Variants in FBXL7 observed in about 807,000 individuals in gnomAD.
FBXL7 encodes the protein F-box and leucine rich repeat protein 7.
Under a neutral mutation model 38.3 loss-of-function variants are expected in FBXL7, and 12 were observed. That is an observed-to-expected ratio of 0.31 (90% CI 0.20 to 0.51). The LOEUF (loss-of-function observed/expected upper bound fraction) is 0.51. Ranked by LOEUF, FBXL7 falls within the 20% of genes least tolerant of loss-of-function variation. The probability of loss-of-function intolerance (pLI) is 0.98; values close to 1 mark genes in which losing one functional copy is unlikely to be tolerated. For synonymous variants in FBXL7, 297 were observed against 300.9 expected (o/e 0.99, Z 0.13); for missense variants, 567 against 676.4 (o/e 0.84, Z 1.79).
At chr5:15,676,304 T>C (rs946673177) in intron 2 of FBXL7, among the ~76,000 whole-genome samples, 1 of 152,216 alleles carries the variant, frequency 6.6e-6, no homozygotes, top group African/African-American at 2.4e-5. Flanking sequence ...GGAAGACTGA[T>C]AAATTTTTCT....
chr5:15,650,702 C>T (rs4702092), intron 2 of FBXL7, among the ~76,000 whole-genome samples: 3,866 of 152,314 alleles, frequency 0.025, 85 homozygotes, highest in East Asian at 0.053. Flanking sequence ...ATTTCAACAA[C>T]GTCCACAGAC....
intron 2 of FBXL7, among the ~76,000 whole-genome samples, chr5:15,752,895 A>G (rs111366337): frequency 0.026 from 4,001 of 152,216 alleles, 100 homozygotes; most frequent in East Asian, 0.067. Context: ...TACTTTCACT[A>G]TCATTGTTCG....
intron 2 of FBXL7, among the ~76,000 whole-genome samples, chr5:15,663,845 T>C (rs1742173619): frequency 6.6e-6 from 1 of 152,230 alleles, no homozygotes; most frequent in Admixed American, 6.5e-5. Context: ...ATTTTAAGTA[T>C]ACCATACAAT....
At chr5:15,846,519 A>G (rs920034497) in intron 2 of FBXL7, among the ~76,000 whole-genome samples, 1 of 152,336 alleles carries the variant, frequency 6.6e-6, no homozygotes, top group African/African-American at 2.4e-5. Flanking sequence ...ATGCAAGGGT[A>G]GGGGGACTTT....
At chr5:15,825,185 T>C (rs1257762534) in intron 2 of FBXL7, among the ~76,000 whole-genome samples, 1 of 152,196 alleles carries the variant, frequency 6.6e-6, no homozygotes, top group Non-Finnish European at 1.5e-5. Context: ...CAATTTTCAG[T>C]GTTTATTTTC....
intron 2 of FBXL7, among the ~76,000 whole-genome samples, chr5:15,658,498 C>T (rs1003992614): frequency 1.3e-5 from 2 of 152,110 alleles, no homozygotes; most frequent in African/African-American, 4.8e-5. Context: ...AGGGGCTTCA[C>T]CCTTTGTAGC....
intron 2 of FBXL7, among the ~76,000 whole-genome samples, chr5:15,884,357 C>A (rs892105215): frequency 6.6e-6 from 1 of 151,982 alleles, no homozygotes; most frequent in African/African-American, 2.4e-5. Context: ...AGCTCCACCT[C>A]CCGGGTTCAC....
At chr5:15,730,414 G>T (rs1313730730) in intron 2 of FBXL7, among the ~76,000 whole-genome samples, 1 of 151,898 alleles carries the variant, frequency 6.6e-6, no homozygotes, top group Non-Finnish European at 1.5e-5. Context: ...AGAGGCTCTG[G>T]TTTCTTGAGT....
intron 2 of FBXL7, among the ~76,000 whole-genome samples, chr5:15,833,493 T>A (rs533367725): frequency 6.6e-6 from 1 of 152,294 alleles, no homozygotes; most frequent in East Asian, 1.9e-4. Flanking sequence ...ATTAGAGCAG[T>A]CCCAGAGTGC....
chr5:15,737,470 C>T (rs1159778461), intron 2 of FBXL7, among the ~76,000 whole-genome samples: 1 of 152,084 alleles, frequency 6.6e-6, no homozygotes, highest in Non-Finnish European at 1.5e-5. Context: ...AAGAAGTAAA[C>T]CGGTAGAATA....
intron 2 of FBXL7, among the ~76,000 whole-genome samples, chr5:15,634,083 G>A (rs185866674): frequency 1.6e-3 from 245 of 151,592 alleles, no homozygotes; most frequent in African/African-American, 5.7e-3. Context: ...ACCCAGCTGG[G>A]GCAAAGATAT....
chr5:15,686,371 T>C (rs1743016428), intron 2 of FBXL7, among the ~76,000 whole-genome samples: 1 of 152,214 alleles, frequency 6.6e-6, no homozygotes, highest in Non-Finnish European at 1.5e-5. Flanking sequence ...CTTTACATGA[T>C]TAACTGTTGT....
chr5:15,528,970 T>C (rs1737337876), intron 1 of FBXL7, among the ~76,000 whole-genome samples: 1 of 152,228 alleles, frequency 6.6e-6, no homozygotes, highest in Non-Finnish European at 1.5e-5. Flanking sequence ...AATTTTTAAG[T>C]ATACATTATT....
At chr5:15,759,308 C>T (rs1054640477) in intron 2 of FBXL7, among the ~76,000 whole-genome samples, 5 of 152,030 alleles carry the variant, frequency 3.3e-5, no homozygotes, top group Non-Finnish European at 7.4e-5. Context: ...ACATGGAATC[C>T]AGTCCTATTA....
intron 2 of FBXL7, among the ~76,000 whole-genome samples, chr5:15,619,381 C>T (rs563633726): frequency 6.6e-6 from 1 of 152,286 alleles, no homozygotes; most frequent in South Asian, 2.1e-4. Flanking sequence ...ACCGACATTT[C>T]TAGTTGGGGT....
At chr5:15,542,633 C>G in intron 1 of FBXL7, among the ~76,000 whole-genome samples, 1 of 152,144 alleles carries the variant, frequency 6.6e-6, no homozygotes. Context: ...TTCCAAACTT[C>G]TAATTTTGCA....
intron 1 of FBXL7, among the ~76,000 whole-genome samples, chr5:15,592,554 A>G (rs1013317565): frequency 6.6e-6 from 1 of 152,146 alleles, no homozygotes; most frequent in African/African-American, 2.4e-5. Flanking sequence ...TTGCAGTTTA[A>G]GTTCAGGCTT....
intron 2 of FBXL7, among the ~76,000 whole-genome samples, chr5:15,709,752 C>T (rs1743804243): frequency 1.3e-5 from 2 of 152,116 alleles, no homozygotes; most frequent in Non-Finnish European, 2.9e-5. Context: ...TGTATTTCCT[C>T]ACCATTCTGG....
At position 15,928,030 on chromosome 5, in the gene FBXL7, T is replaced by A. The variant is rs1741931899; in HGVS notation, c.268T>A (p.Ser90Thr). 1.4e-6 allele frequency: 1 copy of A among 697,942 alleles called. No individual in the cohort carries two copies. The highest frequency in any genetic ancestry group is 2.4e-6 in the Non-Finnish European group (1 of 414,358). 43.2% of individuals were successfully genotyped at this position (697,942 alleles called of 1,614,324 possible). A position where few individuals can be genotyped will look rare whatever the true frequency, so the allele number is the denominator to read the frequency against. ...CGGGGAGACGGTGGCCATGGTGCAC[T>A]CCCCGCCCCCGACCCGCCTCACACA... is the stretch of plus-strand genomic sequence containing the variant. ...ITGETVAMVH[S>T]PPPTRLTHPL... is the part of the protein sequence containing the mutation. Residue 90 changes from serine (S) to threonine (T), a missense_variant, in exon 3 of 4, where the codon TCC becomes ACC. Ser to Thr is a moderately conservative substitution (Grantham distance 58). Coordinates refer to ENST00000504595, the MANE Select transcript of FBXL7 (RefSeq NM_012304.5). This position sits in a 1 kb window ranked among gnomAD's most constrained non-coding sequence, Gnocchi z 4.0.
Sources: allele counts gnomAD v4.1 joint callset (sites outside exome capture counted in the v4.1 genomes callset), GRCh38; gene constraint gnomAD v4.1.1; non-coding constraint Gnocchi (gnomAD v3.1); transcripts MANE v1.5; gene names NCBI Gene and HGNC (gene_info 2026-07-23, HGNC 2026-07-21).